Variants in SLC26A4 observed in about 807,000 individuals in gnomAD.
SLC26A4 encodes the protein pendrin.
A neutral mutation model predicts 90.4 loss-of-function variants in SLC26A4; 93 were observed. That is an observed-to-expected ratio of 1.03 (90% CI 0.87 to 1.22). The LOEUF is 1.22. SLC26A4 is among the 50% of genes most tolerant of loss of function. The pLI, the probability that SLC26A4 is intolerant of heterozygous loss-of-function variation, is 0.00. For missense variants in SLC26A4, 1,127 were observed against 946.2 expected, an observed-to-expected ratio of 1.19 and a Z score of -2.51; for synonymous variants, 393 against 354.6, an observed-to-expected ratio of 1.11 and a Z score of -1.22.
intron 10 of SLC26A4, among the ~76,000 whole-genome samples, chr7:107,692,337 G>A (rs1350173927): frequency 6.6e-6 from 1 of 152,204 alleles, no homozygotes; most frequent in Non-Finnish European, 1.5e-5. Context: ...AACTGGCAGG[G>A]CTTCTCTTGT....
In SLC26A4 at chr7:107,696,026, C is replaced by T. The variant is rs778788894; in HGVS notation, c.1531C>T (p.Leu511=). Residue 511 remains leucine, a synonymous_variant, in exon 13 of 21, where the codon CTG becomes TTG. Coordinates refer to ENST00000644269, the MANE Select transcript of SLC26A4 (RefSeq NM_000441.2). Reference sequence around the variant, plus strand: ...TATATTTGGACTGTTGACTGTGGTCCTGAGAGTTCAGTTGTGAGTAACGTA... The same window carrying T: ...TATATTTGGACTGTTGACTGTGGTCTTGAGAGTTCAGTTGTGAGTAACGTA... ...GLIFGLLTVV[L]RVQFPSWNGL... 6.9e-6 allele frequency: 11 copies of T among 1,598,322 alleles called. No individual in the cohort carries two copies. The highest frequency in any genetic ancestry group is 9.4e-6 in the Non-Finnish European group (11 of 1,165,836).
chr7:107,703,061 A>G (rs1791941779), intron 17 of SLC26A4, among the ~76,000 whole-genome samples: 2 of 152,218 alleles, frequency 1.3e-5, no homozygotes, highest in Admixed American at 1.3e-4. Flanking sequence ...CCTAATGTGT[A>G]CTGAGCACTC....
At chr7:107,696,882 T>C (rs1791757497) in intron 13 of SLC26A4, among the ~76,000 whole-genome samples, 1 of 152,208 alleles carries the variant, frequency 6.6e-6, no homozygotes, top group Non-Finnish European at 1.5e-5. Context: ...CTGCTCTGCC[T>C]GTGCTTGGGC....
In SLC26A4 at chr7:107,693,804, G is replaced by A. The variant is rs181612702; in HGVS notation, c.1264-599G>A. Reference sequence around the variant, plus strand: ...GCTCTGAGCCTGCCTCCGTGGAACTGTCAGAGGAGGCAGGAGACACAATCC... The same window carrying A: ...GCTCTGAGCCTGCCTCCGTGGAACTATCAGAGGAGGCAGGAGACACAATCC... On this transcript the variant is annotated intron_variant, in intron 10 of 20. Transcript: ENST00000644269. 1.1e-5 allele frequency: 8 copies of A among 710,822 alleles called. No homozygotes were observed. In the African/African-American group the frequency reaches 1.2e-4, roughly 10 times the overall value. 44.0% of individuals were successfully genotyped at this position (710,822 alleles called of 1,614,324 possible). A position where few individuals can be genotyped will look rare whatever the true frequency, so the allele number is the denominator to read the frequency against.
At chr7:107,694,504 C>T in intron 11 of SLC26A4, 24 bp downstream of exon 11, 1 of 1,584,898 alleles carries the variant, frequency 6.3e-7, no homozygotes, top group Non-Finnish European at 8.7e-7. Flanking sequence ...TCTCTGCATA[C>T]CGATTGCATA....
chr7:107,692,544 T>G (rs1199291023), intron 10 of SLC26A4, among the ~76,000 whole-genome samples: 1 of 152,218 alleles, frequency 6.6e-6, no homozygotes, highest in Non-Finnish European at 1.5e-5. Flanking sequence ...ATACATATAT[T>G]GTGCCTGGCA....
chr7:107,701,754 G>A, intron 16 of SLC26A4, 73 bp from the exon 17 acceptor site: 1 of 1,023,092 alleles, frequency 9.8e-7, no homozygotes, highest in South Asian at 1.3e-5. Context: ...TAGGTCTTTT[G>A]GATAATTTGA....
intron 9 of SLC26A4, among the ~76,000 whole-genome samples, chr7:107,689,427 A>G (rs565509915): frequency 8.1e-4 from 123 of 152,326 alleles, no homozygotes; most frequent in African/African-American, 2.8e-3. Context: ...ATTTTAAAAG[A>G]GCTAATTCAG....
chr7:107,665,610 T>C (rs1001552598), intron 3 of SLC26A4, among the ~76,000 whole-genome samples: 1 of 152,230 alleles, frequency 6.6e-6, no homozygotes, highest in South Asian at 2.1e-4. Context: ...CTTCTTTATA[T>C]ATAAAAAATG....
At position 107,715,872 on chromosome 7, in the gene SLC26A4, G is replaced by C. The variant is rs1792334409; in HGVS notation, c.*426G>C. The C allele has an allele frequency of 5.9e-6, 1 of 170,214 alleles. No homozygotes were observed. Among genetic ancestry groups the C allele is most frequent in the Non-Finnish European group, 1.3e-5 (1 of 79,078 alleles). 10.5% of individuals were successfully genotyped at this position (170,214 alleles called of 1,614,324 possible). ...TGAGCTGCACTGATCACCATGTAAGGTCACATTTAGTAAATGCTGAAATAA... is the reference window on the plus strand; with the variant it reads ...TGAGCTGCACTGATCACCATGTAAGCTCACATTTAGTAAATGCTGAAATAA... On this transcript the variant is annotated 3_prime_UTR_variant, in exon 21 of 21. Coordinates refer to ENST00000644269, the MANE Select transcript of SLC26A4 (RefSeq NM_000441.2).
chr7:107,681,028 C>T (rs1791215766), intron 6 of SLC26A4, among the ~76,000 whole-genome samples: 2 of 152,140 alleles, frequency 1.3e-5, no homozygotes, highest in South Asian at 4.1e-4. Context: ...TGCTCCTGTG[C>T]TAAATGCCCT....
At chr7:107,669,492 C>G (rs769000895) in intron 3 of SLC26A4, among the ~76,000 whole-genome samples, 2 of 152,196 alleles carry the variant, frequency 1.3e-5, no homozygotes, top group Admixed American at 6.5e-5. Context: ...GTGCTTTCAT[C>G]CCCTGCTCCT....
At chr7:107,684,702 G>A (rs1402522181) in intron 8 of SLC26A4, among the ~76,000 whole-genome samples, 1 of 152,126 alleles carries the variant, frequency 6.6e-6, no homozygotes, top group Non-Finnish European at 1.5e-5. Context: ...TGGGGCTCAG[G>A]AATTAATATT....
Position 107,715,690 on chromosome 7 carries a change from C to A in SLC26A4, c.*244C>A. On this transcript the variant is annotated 3_prime_UTR_variant, in exon 21 of 21. Transcript: ENST00000644269. ...GGTAAGCTGGTGTTATAATACGCTG[C>A]TGATCTACATCACAGATTTGCTAAT... 7.2e-6 allele frequency: 4 copies of A among 559,188 alleles called. No homozygotes were observed. In the South Asian group the frequency reaches 8.9e-5, roughly 12 times the overall value. The allele number at this position is 559,188 out of a possible 1,614,324, so 34.6% of individuals were successfully genotyped here. A position where few individuals can be genotyped will look rare whatever the true frequency, so the allele number is the denominator to read the frequency against.
intron 14 of SLC26A4, among the ~76,000 whole-genome samples, chr7:107,698,763 T>C (rs1450720994): frequency 2.6e-5 from 4 of 152,218 alleles, no homozygotes; most frequent in African/African-American, 7.2e-5. Flanking sequence ...AACAAGAGAT[T>C]ATCAAGTTCT....
rs922647410 is a variant in SLC26A4 at position 107,715,588 on chromosome 7, T to G, written c.*142T>G. The G allele has an allele frequency of 2.9e-5, 22 of 751,560 alleles. No homozygotes were observed. Among genetic ancestry groups the G allele is most frequent in the Non-Finnish European group, 5.3e-5 (22 of 412,782 alleles). 46.6% of individuals were successfully genotyped at this position (751,560 alleles called of 1,614,324 possible). ...GAAGCACTAAGACTGCTTCTAGGCTTTATTTATAAAATAAACACCTTATCC... is the reference window on the plus strand; with the variant it reads ...GAAGCACTAAGACTGCTTCTAGGCTGTATTTATAAAATAAACACCTTATCC... On this transcript the variant is annotated 3_prime_UTR_variant, in exon 21 of 21. Coordinates refer to ENST00000644269, the MANE Select transcript of SLC26A4 (RefSeq NM_000441.2).
At chr7:107,708,555 T>A (rs75519130) in intron 18 of SLC26A4, among the ~76,000 whole-genome samples, 6,201 of 152,190 alleles carry the variant, frequency 0.041, 432 homozygotes, top group African/African-American at 0.14. Context: ...TAGAGTTAAG[T>A]TTTAAATAAA....
At chr7:107,666,634 A>G (rs901290145) in intron 3 of SLC26A4, among the ~76,000 whole-genome samples, 3 of 152,208 alleles carry the variant, frequency 2.0e-5, no homozygotes, top group South Asian at 2.1e-4. Flanking sequence ...AAGCAGAAAA[A>G]AAGAGTGTAC....
At chr7:107,696,141 A>T in intron 13 of SLC26A4, 102 bp downstream of exon 13, 1 of 791,654 alleles carries the variant, frequency 1.3e-6, no homozygotes, top group Non-Finnish European at 2.3e-6. Context: ...CTTTCGTTAT[A>T]GTTACTGTAT....
Sources: gnomAD v4.1 joint callset for allele counts (sites outside exome capture counted in the v4.1 genomes callset) on GRCh38, gnomAD v4.1.1 for gene constraint, MANE v1.5 for transcripts, NCBI Gene and HGNC (gene_info 2026-07-23, HGNC 2026-07-21) for gene names.